RAB7A: variants seen among roughly 807,000 people sequenced by gnomAD.
The protein encoded by RAB7A is ras-related protein Rab-7a.
In RAB7A, 2 loss-of-function variants were observed where a neutral mutation model predicts 24.5. That is an observed-to-expected ratio of 0.08 (90% CI 0.03 to 0.26). The LOEUF (loss-of-function observed/expected upper bound fraction) is 0.26, where lower values mean the gene tolerates loss of function less well. RAB7A is among the 10% of genes least tolerant of loss of function. The pLI is 1.00. For synonymous variants in RAB7A, 100 were observed against 95.9 expected, an observed-to-expected ratio of 1.04 and a Z score of -0.25; for missense variants, 118 against 255.7, an observed-to-expected ratio of 0.46 and a Z score of 3.67.
intron 1 of RAB7A, among the ~76,000 whole-genome samples, chr3:128,773,229 C>T (rs571812531): frequency 6.6e-6 from 1 of 151,852 alleles, no homozygotes; most frequent in Non-Finnish European, 1.5e-5. Context: ...ATGAGGAGCC[C>T]CTCCGCCCGG....
intron 1 of RAB7A, among the ~76,000 whole-genome samples, chr3:128,790,904 A>C (rs1032757244): frequency 5.9e-5 from 9 of 152,066 alleles, no homozygotes; most frequent in African/African-American, 2.2e-4. Flanking sequence ...CCCACCTCAA[A>C]AACAACAACA....
At chr3:128,780,033 G>C (rs927297554) in intron 1 of RAB7A, among the ~76,000 whole-genome samples, 1 of 152,212 alleles carries the variant, frequency 6.6e-6, no homozygotes, top group African/African-American at 2.4e-5. Flanking sequence ...AGGGAGAGAA[G>C]CTGTATTCTC....
At chr3:128,755,032 G>A (rs1262010947) in intron 1 of RAB7A, among the ~76,000 whole-genome samples, 1 of 152,078 alleles carries the variant, frequency 6.6e-6, no homozygotes, top group Non-Finnish European at 1.5e-5. Context: ...AGACATACAC[G>A]GGGCATTCTA....
At chr3:128,795,287 A>AT (rs1933541996) in intron 1 of RAB7A, 73 bp from the exon 2 acceptor site, 4 of 1,297,526 alleles carry the variant, frequency 3.1e-6, no homozygotes, top group Non-Finnish European at 4.5e-6. Context: ...CTGCTCAGAC[A>AT]TTTGTGCAAG....
chr3:128,795,338 A>G (rs1385897062), intron 1 of RAB7A, 22 bp from the exon 2 acceptor site: 1 of 1,598,860 alleles, frequency 6.3e-7, no homozygotes, highest in African/African-American at 1.3e-5. Context: ...ACTCACAGTG[A>G]TTTCTCCTTT....
intron 1 of RAB7A, among the ~76,000 whole-genome samples, chr3:128,790,028 C>T (rs539963572): frequency 7.2e-5 from 11 of 152,050 alleles, no homozygotes; most frequent in African/African-American, 2.7e-4. Flanking sequence ...CTCTTGACCT[C>T]GTGATCCACC....
At chr3:128,795,751 C>CTTTGTTTTTTTTTTTTTT (rs1933555206) in intron 2 of RAB7A, among the ~76,000 whole-genome samples, 2 of 43,030 alleles carry the variant, frequency 4.6e-5, no homozygotes, top group African/African-American at 6.3e-5. Flanking sequence ...AGCAGATGTG[C>CTTTGTTTTTTTTTTTTTT]TTTTTTTTTT....
intron 1 of RAB7A, among the ~76,000 whole-genome samples, chr3:128,747,074 A>AGG (rs2070624890): frequency 6.6e-6 from 1 of 151,502 alleles, no homozygotes; most frequent in African/African-American, 2.4e-5. Flanking sequence ...TGGGAGGCCG[A>AGG]AGGGCAAAGA....
chr3:128,778,189 A>G (rs751044910), intron 1 of RAB7A, among the ~76,000 whole-genome samples: 7 of 152,322 alleles, frequency 4.6e-5, no homozygotes, highest in South Asian at 2.1e-4. Flanking sequence ...ACTGTCCAAT[A>G]TAGTAGCTAT....
intron 1 of RAB7A, among the ~76,000 whole-genome samples, chr3:128,742,441 C>T (rs2070564095): frequency 6.6e-6 from 1 of 152,170 alleles, no homozygotes; most frequent in Non-Finnish European, 1.5e-5. Flanking sequence ...TATCTGATCC[C>T]AGCCACATCC....
intron 2 of RAB7A, among the ~76,000 whole-genome samples, chr3:128,795,751 C>CTTGCTTTTTTTTTTTT (rs1933555041): frequency 2.3e-5 from 1 of 43,032 alleles, no homozygotes; most frequent in Non-Finnish European, 4.7e-5. Context: ...AGCAGATGTG[C>CTTGCTTTTTTTTTTTT]TTTTTTTTTT....
At chr3:128,763,202 ATATATATT>A (rs2070789604) in intron 1 of RAB7A, among the ~76,000 whole-genome samples, 2 of 105,370 alleles carry the variant, frequency 1.9e-5, no homozygotes, top group Non-Finnish European at 1.8e-5. Context: ...ATATATATAT[ATATATATT>A]TTTTTTTTTT....
chr3:128,726,579 G>T lies in RAB7A; in HGVS notation c.-9+220G>T, dbSNP rs150100052. Among the ~76,000 whole-genome samples the T allele has an allele frequency of 0.012, 1,824 of 152,266 alleles. 33 individuals are homozygous for T. The highest frequency in any genetic ancestry group is 0.039 in the African/African-American group (1,634 of 41,566). On this transcript the variant is annotated intron_variant, in intron 1 of 5. Coordinates refer to ENST00000265062, the MANE Select transcript of RAB7A (RefSeq NM_004637.6). ...GTCGGGCGTGACCTCTGGCCGGGTT[G>T]CCCGCCCCGGCCACCCGTCTCGGAC...
At chr3:128,793,601 T>C (rs1196549428) in intron 1 of RAB7A, among the ~76,000 whole-genome samples, 2 of 152,342 alleles carry the variant, frequency 1.3e-5, no homozygotes, top group East Asian at 1.9e-4. Context: ...TCTTGAAATA[T>C]GATACCAGAC....
At chr3:128,754,551 G>C (rs965772444) in intron 1 of RAB7A, among the ~76,000 whole-genome samples, 3 of 152,124 alleles carry the variant, frequency 2.0e-5, no homozygotes, top group African/African-American at 4.8e-5. Flanking sequence ...ACAGCAAAAT[G>C]ACAAAAGTTC....
At chr3:128,739,377 G>A (rs2070526998) in intron 1 of RAB7A, among the ~76,000 whole-genome samples, 1 of 152,040 alleles carries the variant, frequency 6.6e-6, no homozygotes, top group African/African-American at 2.4e-5. Flanking sequence ...GCTGGGTGTG[G>A]TGGTGCGCTC....
intron 1 of RAB7A, among the ~76,000 whole-genome samples, chr3:128,778,395 T>C (rs1194006347): frequency 6.6e-6 from 1 of 152,184 alleles, no homozygotes; most frequent in Non-Finnish European, 1.5e-5. Flanking sequence ...TTTAATACCG[T>C]GGATATGCTG....
intron 1 of RAB7A, among the ~76,000 whole-genome samples, chr3:128,753,575 G>C (rs1218432014): frequency 6.6e-6 from 1 of 152,150 alleles, no homozygotes; most frequent in Non-Finnish European, 1.5e-5. Context: ...ATGAAGAACA[G>C]AAATTTGTTT....
rs372824612 is a variant in RAB7A at position 128,779,970 on chromosome 3, T to C, written c.-8-15390T>C. ...GGATTTCTAAGGGTTTTAAGTGGGC[T>C]GAAGTGTGGAGATTGTTGATTGGTC... On this transcript the variant is annotated intron_variant, in intron 1 of 5. Coordinates refer to ENST00000265062, the MANE Select transcript of RAB7A (RefSeq NM_004637.6). Among the ~76,000 whole-genome samples the C allele has an allele frequency of 8.0e-4, 122 of 152,286 alleles. 2 individuals carry two copies. In the South Asian group the frequency reaches 0.025, roughly 31 times the overall value.
Sources: gnomAD v4.1 joint callset for allele counts (sites outside exome capture counted in the v4.1 genomes callset) on GRCh38, gnomAD v4.1.1 for gene constraint, MANE v1.5 for transcripts, NCBI Gene and HGNC (gene_info 2026-07-23, HGNC 2026-07-21) for gene names.